SENP7: variants seen among roughly 807,000 people sequenced by gnomAD.
SENP7 encodes the protein SUMO specific peptidase 7.
In SENP7, 64 loss-of-function variants were observed where a neutral mutation model predicts 141.2. That is an observed-to-expected ratio of 0.45 (90% CI 0.37 to 0.56). The LOEUF is 0.56. Among genes scored for constraint, SENP7 ranks in the 20% least tolerant of loss-of-function variants. The pLI, the probability that SENP7 is intolerant of heterozygous loss-of-function variation, is 0.00. For synonymous variants in SENP7, 382 were observed against 426.4 expected (o/e 0.90, Z 1.28); for missense variants, 1,025 against 1,212.2 (o/e 0.85, Z 2.29).
chr3:101,401,782 G>A (rs2061150645), intron 5 of SENP7, among the ~76,000 whole-genome samples: 1 of 151,964 alleles, frequency 6.6e-6, no homozygotes, highest in South Asian at 2.1e-4. Flanking sequence ...AAAAGAAGTT[G>A]TCTCAGCCTG....
At chr3:101,398,801 C>A (rs2061046477) in intron 6 of SENP7, 60 bp downstream of exon 6, 2 of 1,187,170 alleles carry the variant, frequency 1.7e-6, no homozygotes, top group South Asian at 3.4e-5. Context: ...TGAAAAAGAA[C>A]AGGGAAGGAT....
intron 4 of SENP7, among the ~76,000 whole-genome samples, chr3:101,447,892 C>G (rs951556584): frequency 6.6e-6 from 1 of 152,056 alleles, no homozygotes; most frequent in African/African-American, 2.4e-5. Flanking sequence ...ACATACAGAT[C>G]AACAGAATAG....
intron 6 of SENP7, among the ~76,000 whole-genome samples, chr3:101,380,110 AG>A (rs2060453818): frequency 6.6e-6 from 1 of 152,198 alleles, no homozygotes; most frequent in Admixed American, 6.5e-5. Context: ...TAAGGTACTT[AG>A]GGTCATGAAA....
At chr3:101,337,755 T>G (rs1355546220) in intron 16 of SENP7, 124 bp from the exon 17 acceptor site, 2 of 801,852 alleles carry the variant, frequency 2.5e-6, no homozygotes, top group South Asian at 5.9e-5. Flanking sequence ...AATCTTGCAG[T>G]TTCCTCTGAT....
At position 101,398,469 on chromosome 3, in the gene SENP7, A is replaced by G. The variant is rs1021013524; in HGVS notation, c.677+392T>C. Among the ~76,000 whole-genome samples, 6 of 152,222 alleles carry G rather than the reference A, an allele frequency of 3.9e-5. No homozygotes were observed. In the South Asian group the frequency reaches 1.2e-3, roughly 32 times the overall value. ...AACGAGACTCCGCCTCAAAAAAATT[A>G]AAGTAAAACAAAATAACAGACAAGA... On this transcript the variant is annotated intron_variant, in intron 6 of 23. Coordinates refer to ENST00000394095, the MANE Select transcript of SENP7 (RefSeq NM_020654.5).
chr3:101,457,360 C>A (rs998823494), intron 4 of SENP7: 8 of 1,414,632 alleles, frequency 5.7e-6, no homozygotes, highest in Non-Finnish European at 7.9e-6. Flanking sequence ...TTGGGCAAAG[C>A]TTCAGCCAGT....
intron 4 of SENP7, among the ~76,000 whole-genome samples, chr3:101,429,065 C>T (rs2062064225): frequency 6.6e-6 from 1 of 152,126 alleles, no homozygotes; most frequent in Non-Finnish European, 1.5e-5. Context: ...TGTTTTGGTA[C>T]CAGTACCATG....
chr3:101,466,576 A>G (rs1452363020), intron 3 of SENP7, among the ~76,000 whole-genome samples: 4 of 152,212 alleles, frequency 2.6e-5, no homozygotes, highest in Non-Finnish European at 5.9e-5. Context: ...ATCACACTAC[A>G]CTACAAAAAT....
chr3:101,350,317 C>T (rs1411147103), intron 12 of SENP7, among the ~76,000 whole-genome samples: 1 of 152,110 alleles, frequency 6.6e-6, no homozygotes. Context: ...AACAGCCAAA[C>T]ATAATTAATA....
chr3:101,461,440 C>T (rs116291732), intron 3 of SENP7, among the ~76,000 whole-genome samples: 1,546 of 151,850 alleles, frequency 0.01, 7 homozygotes, highest in Non-Finnish European at 0.016. Flanking sequence ...CATACCATTT[C>T]GTACCCACTA....
In SENP7 at chr3:101,458,940, A is replaced by G. The variant is rs7648250; in HGVS notation, c.284+15T>C. 442 of 1,495,472 alleles carry G rather than the reference A, an allele frequency of 3.0e-4. 1 individual carries two copies. In the African/African-American group the frequency reaches 5.7e-3, roughly 19 times the overall value. The allele number at this position is 1,495,472 out of a possible 1,614,324, so 92.6% of individuals were successfully genotyped here. On this transcript the variant is annotated intron_variant, in intron 4 of 23. Transcript: ENST00000394095. ...AGGTTAAGCCCATACTATGTCGCAC[A>G]CACACATATCTTACCTTTCTGGTGA...
At chr3:101,350,047 T>C (rs1456199197) in intron 12 of SENP7, among the ~76,000 whole-genome samples, 1 of 152,186 alleles carries the variant, frequency 6.6e-6, no homozygotes, top group Non-Finnish European at 1.5e-5. Context: ...TGGTAGCATG[T>C]GCTCTGTTTA....
intron 15 of SENP7, 45 bp from the exon 16 acceptor site, chr3:101,340,256 C>A: frequency 6.5e-7 from 1 of 1,527,864 alleles, no homozygotes; most frequent in African/African-American, 1.4e-5. Context: ...ATTGAAAATC[C>A]TATTATCTAA....
intron 3 of SENP7, among the ~76,000 whole-genome samples, chr3:101,462,588 C>A (rs2063583464): frequency 6.7e-6 from 1 of 150,206 alleles, no homozygotes. Flanking sequence ...AATAAAGAGA[C>A]CAGGTGCAGT....
chr3:101,509,925 G>C (rs1313639361), intron 1 of SENP7, among the ~76,000 whole-genome samples: 1 of 152,158 alleles, frequency 6.6e-6, no homozygotes, highest in Admixed American at 6.5e-5. Context: ...AAATATTGAA[G>C]TTTGTGAAGT....
chr3:101,413,738 G>C (rs987993380), intron 5 of SENP7, among the ~76,000 whole-genome samples: 3 of 150,760 alleles, frequency 2.0e-5, no homozygotes, highest in East Asian at 3.9e-4. Context: ...AAAAAGGGAG[G>C]GGGGGGATAG....
At chr3:101,340,006 A>G in intron 16 of SENP7, 89 bp downstream of exon 16, 3 of 1,422,330 alleles carry the variant, frequency 2.1e-6, no homozygotes, top group East Asian at 2.7e-5. Flanking sequence ...TTTTAACAGA[A>G]TTTAAAATAA....
intron 14 of SENP7, among the ~76,000 whole-genome samples, chr3:101,342,752 A>C (rs1463162464): frequency 4.0e-5 from 6 of 149,382 alleles, no homozygotes; most frequent in Middle Eastern, 3.4e-3. Context: ...TGCAATCTCC[A>C]CCTCCCGGGT....
At chr3:101,380,092 C>A (rs2060452728) in intron 6 of SENP7, among the ~76,000 whole-genome samples, 1 of 152,020 alleles carries the variant, frequency 6.6e-6, no homozygotes, top group Admixed American at 6.6e-5. Context: ...ACTGTGATTC[C>A]ACTTATTTAA....
Sources: gnomAD v4.1 joint callset for allele counts (sites outside exome capture counted in the v4.1 genomes callset) on GRCh38, gnomAD v4.1.1 for gene constraint, MANE v1.5 for transcripts, NCBI Gene and HGNC (gene_info 2026-07-23, HGNC 2026-07-21) for gene names.